The following DISP3 variants were observed in gnomAD, a reference collection of about 807,000 sequenced individuals.
DISP3 encodes the protein protein dispatched homolog 3.
A neutral mutation model predicts 135.3 loss-of-function variants in DISP3; 101 were observed. That is an observed-to-expected ratio of 0.75 (90% confidence interval 0.64 to 0.88). The LOEUF (loss-of-function observed/expected upper bound fraction) is 0.88, where lower values mean the gene tolerates loss of function less well. Ranked by LOEUF, DISP3 falls within the 40% of genes least tolerant of loss-of-function variation. The probability of loss-of-function intolerance (pLI) is 0.00; values close to 1 mark genes in which losing one functional copy is unlikely to be tolerated. For missense variants in DISP3, 1,713 were observed against 1,878.6 expected, an observed-to-expected ratio of 0.91 and a Z score of 1.63; for synonymous variants, 856 against 817.0, an observed-to-expected ratio of 1.05 and a Z score of -0.81.
chr1:11,524,169 G>A (rs757191224), intron 11 of DISP3, 114 bp downstream of exon 11: 347 of 819,010 alleles, frequency 4.2e-4, no homozygotes, highest in Non-Finnish European at 5.8e-4. Context: ...GAGATTGTGT[G>A]TTCCTGGTCA....
intron 15 of DISP3, 150 bp from the exon 16 acceptor site, chr1:11,530,757 C>A: frequency 9.8e-7 from 1 of 1,022,738 alleles, no homozygotes; most frequent in Non-Finnish European, 1.5e-6. Flanking sequence ...TAGGGTGGAG[C>A]AGTGGGTGAG....
rs1376663213 is a variant in DISP3 at position 11,520,229 on chromosome 1, T to C, written c.2200+349T>C. Among the ~76,000 whole-genome samples the C allele has an allele frequency of 2.0e-5, 3 of 152,144 alleles. No individual in the cohort carries two copies. The highest frequency in any genetic ancestry group is 2.0e-4 in the Admixed American group (3 of 15,286). ...TTAGCACTCAGTTCCTATTCTGTAA[T>C]TGAGGATGAGAACGGTGGCTAGGAA... On this transcript the variant is annotated intron_variant, in intron 9 of 20. Coordinates refer to ENST00000294484, the MANE Select transcript of DISP3 (RefSeq NM_020780.2). This position sits in a 1 kb window ranked among gnomAD's most constrained non-coding sequence, Gnocchi z 4.8.
rs1400000701 is a variant in DISP3, at chr1:11,519,431, G to C, written c.1966G>C (p.Gly656Arg). The C allele has an allele frequency of 7.4e-6, 12 of 1,613,708 alleles. No homozygotes were observed. The highest frequency in any genetic ancestry group is 9.3e-6 in the Non-Finnish European group (11 of 1,180,028). Residue 656 changes from glycine (G) to arginine (R), a missense_variant, in exon 8 of 21, where the codon GGC becomes CGC. Coordinates refer to ENST00000294484, the MANE Select transcript of DISP3 (RefSeq NM_020780.2). The surrounding 1 kb of genome is among the most constrained non-coding windows in gnomAD (Gnocchi z 4.3). ...GTTTGCCGCTCCCGAGCAGGTTGGAGGCAGCCCTGCCCAGGGCCCCATACC... is the reference window on the plus strand; with the variant it reads ...GTTTGCCGCTCCCGAGCAGGTTGGACGCAGCCCTGCCCAGGGCCCCATACC... The part of the protein sequence containing the change: ...DVFAAPEQVG[G>R]SPAQGPIPYL...
At chr1:11,509,543 TGTTA>T (rs1299826329) in intron 3 of DISP3, among the ~76,000 whole-genome samples, 1 of 152,238 alleles carries the variant, frequency 6.6e-6, no homozygotes, top group Non-Finnish European at 1.5e-5. Flanking sequence ...TTTTCAGTTC[TGTTA>T]GTTTTTACTT....
Position 11,536,863 on chromosome 1 carries a change from G to T in DISP3, c.*177G>T, listed in dbSNP as rs1448603839. 3 of 926,238 alleles carry T rather than the reference G, an allele frequency of 3.2e-6. No individual in the cohort carries two copies. In the African/African-American group the frequency reaches 5.2e-5, roughly 16 times the overall value. 57.4% of individuals were successfully genotyped at this position (926,238 alleles called of 1,614,324 possible). ...TGGACCATGCTGCCTTGTGGAGCTG[G>T]GAGTTGGAGACAGCCGCCACCCCAC... On this transcript the variant is annotated 3_prime_UTR_variant, in exon 21 of 21. Transcript: ENST00000294484. This position sits in a 1 kb window ranked among gnomAD's most constrained non-coding sequence, Gnocchi z 4.3.
At chr1:11,525,639 G>T (rs1291470765) in intron 12 of DISP3, among the ~76,000 whole-genome samples, 1 of 152,256 alleles carries the variant, frequency 6.6e-6, no homozygotes, top group African/African-American at 2.4e-5. Flanking sequence ...TTGTTGGAGG[G>T]GTGTGAGGTG....
chr1:11,530,048 C>T (rs1249489917), intron 15 of DISP3, 89 bp downstream of exon 15: 23 of 1,512,728 alleles, frequency 1.5e-5, no homozygotes, highest in Non-Finnish European at 2.0e-5. Context: ...TGTCCAGCTC[C>T]TCACACCCCC....
chr1:11,482,770 G>A (rs2100347242), intron 1 of DISP3, among the ~76,000 whole-genome samples: 1 of 152,248 alleles, frequency 6.6e-6, no homozygotes, highest in East Asian at 1.9e-4. Flanking sequence ...AGGGGTGTGG[G>A]ATTGTCCATC....
At chr1:11,522,859 GACCCAGCCAGAGCCCAGCCAGA>G (rs1642274408) in intron 10 of DISP3, among the ~76,000 whole-genome samples, 1 of 22,990 alleles carries the variant, frequency 4.3e-5, no homozygotes, top group African/African-American at 2.0e-4. Context: ...GCCCAGCCAG[GACCCAGCCAGAGCCCAGCCAGA>G]GCCCAGCCAG....
rs747596398 is a variant in DISP3 at position 11,530,959 on chromosome 1, T to G, written c.3155T>G (p.Leu1052Arg). The G allele has an allele frequency of 6.2e-7, 1 of 1,613,990 alleles. No homozygotes were observed. The highest frequency in any genetic ancestry group is 8.5e-7 in the Non-Finnish European group (1 of 1,179,972). ...GACCTCTTCAAGGAAATTGGGCACC[T>G]GTGTCACCTCTGCAAGGCCATCGCA... is the stretch of plus-strand genomic sequence containing the variant. ...SFDLFKEIGHLCHLCKAIAAN... is the reference protein window; with the variant it reads ...SFDLFKEIGHRCHLCKAIAAN... Residue 1052 changes from leucine (L) to arginine (R), a missense_variant, in exon 16 of 21, where the codon CTG (leucine) becomes CGG (arginine). This residue lies in a region of DISP3 where 1,142 missense variants were observed against 1,384.6 expected (regional missense o/e 0.82). Transcript: ENST00000294484.
rs200522743 is a variant in DISP3, at chr1:11,519,856, G to A, written c.2176G>A (p.Val726Ile). ...LLHHWVLWSAVKSRWVIVGLF... is the reference protein window; with the variant it reads ...LLHHWVLWSAIKSRWVIVGLF... ...GCACCACTGGGTCCTGTGGTCAGCC[G>A]TCAAGAGCCGCTGGGTGATTGTGGG... The change falls in exon 9 of 21, where the codon GTC becomes ATC. Residue 726 changes from valine (V) to isoleucine (I), a missense_variant. By Grantham distance (29) the Val-to-Ile change is conservative. Around this residue, in one of 2 missense-constraint regions of DISP3, gnomAD observed 1,142 missense variants for 1,384.6 expected, o/e 0.82. Coordinates refer to ENST00000294484, the MANE Select transcript of DISP3 (RefSeq NM_020780.2). The surrounding 1 kb of genome is among the most constrained non-coding windows in gnomAD (Gnocchi z 4.3). The A allele has an allele frequency of 2.7e-5, 43 of 1,610,722 alleles. No individual in the cohort carries two copies. The highest frequency in any genetic ancestry group is 3.3e-5 in the Non-Finnish European group (39 of 1,179,310).
intron 1 of DISP3, chr1:11,481,597 G>GC (rs1481373773): frequency 6.6e-6 from 1 of 152,182 alleles, no homozygotes; most frequent in Non-Finnish European, 1.5e-5. Context: ...CCTAGTCCGA[G>GC]CTTAACCACA....
chr1:11,526,939 C>A, intron 13 of DISP3, 104 bp downstream of exon 13: 2 of 1,332,528 alleles, frequency 1.5e-6, no homozygotes, highest in Non-Finnish European at 9.9e-7. Context: ...CAGCAGGCCC[C>A]CTCACTTTTT....
chr1:11,534,993 C>G lies in DISP3; in HGVS notation c.3536-18C>G, dbSNP rs763400782. On this transcript the variant is annotated intron_variant, in intron 18 of 20. Transcript: ENST00000294484. ...CCGCCCACACAGCAGCGCACTGAGG[C>G]CCTGTCCTCCCTTGCAGGGGTGCAG... 1 of 1,557,040 alleles carries G rather than the reference C, an allele frequency of 6.4e-7. No homozygotes were observed. Among genetic ancestry groups the G allele is most frequent in the African/African-American group, 1.4e-5 (1 of 73,962 alleles).
intron 3 of DISP3, among the ~76,000 whole-genome samples, chr1:11,510,724 T>C (rs1641834274): frequency 6.6e-6 from 1 of 152,136 alleles, no homozygotes; most frequent in African/African-American, 2.4e-5. Context: ...GTAATCCCAC[T>C]TTAGGAGGCC....
At chr1:11,493,677 T>A (rs1641249706) in intron 1 of DISP3, among the ~76,000 whole-genome samples, 1 of 151,566 alleles carries the variant, frequency 6.6e-6, no homozygotes, top group African/African-American at 2.4e-5. Context: ...TGAGCTGAGA[T>A]CATGCCACCA....
rs369770140 is a variant in DISP3 at position 11,530,875 on chromosome 1, G to A, written c.3103-32G>A. The A allele has an allele frequency of 3.1e-4, 504 of 1,611,960 alleles. 1 individual carries two copies. The African/African-American group carries it at 5.6e-3, about 18-fold the overall frequency. On this transcript the variant is annotated intron_variant, in intron 15 of 20. Transcript: ENST00000294484. ...GGACTGAGTCCCCGTCTCACTGAGCGGCCCGGGCCGGCTTGTTTCTCCTTG... is the reference window on the plus strand; with the variant it reads ...GGACTGAGTCCCCGTCTCACTGAGCAGCCCGGGCCGGCTTGTTTCTCCTTG...
Position 11,497,533 on chromosome 1 carries a change from C to T in DISP3, c.-3-3457C>T, listed in dbSNP as rs763344146. 6.6e-5 allele frequency among the ~76,000 whole-genome samples: 10 copies of T among 152,128 alleles called. 1 individual carries two copies. Among genetic ancestry groups the T allele is most frequent in the Admixed American group, 2.6e-4 (4 of 15,274 alleles). ...CCCCCCGAGTAGCTGGGACTACAGG[C>T]GCCTGCAACCACGCCCAGCTAATTT... is the stretch of plus-strand genomic sequence containing the variant. On this transcript the variant is annotated intron_variant, in intron 1 of 20. Coordinates refer to ENST00000294484, the MANE Select transcript of DISP3 (RefSeq NM_020780.2).
chr1:11,519,156 C>G lies in DISP3; in HGVS notation c.1890-199C>G, dbSNP rs1246644492. Among the ~76,000 whole-genome samples, 2 of 152,180 alleles carry G rather than the reference C, an allele frequency of 1.3e-5. No individual in the cohort carries two copies. Among genetic ancestry groups the G allele is most frequent in the Non-Finnish European group, 2.9e-5 (2 of 68,034 alleles). Reference sequence around the variant, plus strand: ...CACCATTTGTCTCTCTGGAGGAAGACTGGCACCTGAGGGCCCTGGGGTAGA... The same window carrying G: ...CACCATTTGTCTCTCTGGAGGAAGAGTGGCACCTGAGGGCCCTGGGGTAGA... On this transcript the variant is annotated intron_variant, in intron 7 of 20. Coordinates refer to ENST00000294484, the MANE Select transcript of DISP3 (RefSeq NM_020780.2). The surrounding 1 kb of genome is among the most constrained non-coding windows in gnomAD (Gnocchi z 4.3).
Sources: allele counts gnomAD v4.1 joint callset (sites outside exome capture counted in the v4.1 genomes callset), GRCh38; gene constraint gnomAD v4.1.1; regional missense constraint gnomAD v4.1.1; non-coding constraint Gnocchi (gnomAD v3.1); transcripts MANE v1.5; gene names NCBI Gene and HGNC (gene_info 2026-07-23, HGNC 2026-07-21).